FAM117B: variants seen among roughly 807,000 people sequenced by gnomAD.
The protein encoded by FAM117B is protein FAM117B.
Under a neutral mutation model 52.8 loss-of-function variants are expected in FAM117B, and 22 were observed. The observed-to-expected ratio is 0.42, with a 90% CI of 0.30 to 0.59. The LOEUF (loss-of-function observed/expected upper bound fraction) is 0.59. FAM117B is among the 20% of genes least tolerant of loss of function. The pLI, the probability that FAM117B is intolerant of heterozygous loss-of-function variation, is 0.22. For synonymous variants in FAM117B, 309 were observed against 324.1 expected (o/e 0.95, Z 0.50); for missense variants, 678 against 802.6 (o/e 0.84, Z 1.88).
At chr2:202,669,022 A>C (rs902696525) in intron 1 of FAM117B, among the ~76,000 whole-genome samples, 1 of 152,204 alleles carries the variant, frequency 6.6e-6, no homozygotes, top group African/African-American at 2.4e-5. Context: ...CACCAAAATA[A>C]GGAATAATAT....
Position 202,737,663 on chromosome 2 carries a change from G to A in FAM117B, c.960+11300G>A, listed in dbSNP as rs536374339. ...GTAGTCTAGACTGGAGTGCAGTGGC[G>A]TGATCTTGGCTCACAGCAGCCTCTG... On this transcript the variant is annotated intron_variant, in intron 4 of 7. Coordinates refer to ENST00000392238, the MANE Select transcript of FAM117B (RefSeq NM_173511.4). Among the ~76,000 whole-genome samples, 70 of 151,812 alleles carry A rather than the reference G, an allele frequency of 4.6e-4. 1 individual carries two copies. In the South Asian group the frequency reaches 0.014, roughly 31 times the overall value.
intron 2 of FAM117B, among the ~76,000 whole-genome samples, chr2:202,718,082 A>G (rs976365050): frequency 6.6e-6 from 1 of 152,224 alleles, no homozygotes; most frequent in African/African-American, 2.4e-5. Context: ...ACCCACAGGT[A>G]GTACTGCCAG....
At chr2:202,641,858 C>T (rs1027517882) in intron 1 of FAM117B, among the ~76,000 whole-genome samples, 5 of 151,614 alleles carry the variant, frequency 3.3e-5, no homozygotes, top group South Asian at 2.1e-4. Context: ...AGGCTGGTCT[C>T]GAACTCCTGA....
intron 1 of FAM117B, among the ~76,000 whole-genome samples, chr2:202,642,678 T>A (rs1213979277): frequency 6.6e-6 from 1 of 152,200 alleles, no homozygotes; most frequent in Non-Finnish European, 1.5e-5. Context: ...AACTCAGGGA[T>A]ACACTTTGAA....
In FAM117B at chr2:202,673,433, G is replaced by GTTTTTTTTTTTTTTTTTTTTTT. The variant is rs1158185300; in HGVS notation, c.602-22437_602-22416dup. 2.4e-4 allele frequency among the ~76,000 whole-genome samples: 9 copies of GTTTTTTTTTTTTTTTTTTTTTT among 37,534 alleles called. 3 individuals are homozygous for GTTTTTTTTTTTTTTTTTTTTTT. The highest frequency in any genetic ancestry group is 2.1e-3 in the East Asian group (2 of 944). 24.6% of individuals were successfully genotyped at this position (37,534 alleles called of 152,430 possible). Reference sequence around the variant, plus strand: ...TAGCCTACCCTATTTTTCTTTTTCTGTTTTTTTTTTTTTTTTTTTTTTTTT... The same window carrying GTTTTTTTTTTTTTTTTTTTTTT: ...TAGCCTACCCTATTTTTCTTTTTCTGTTTTTTTTTTTTTTTTTTTTTTTTTTTTTTTTTTTTTTTTTTTTTTT... On this transcript the variant is annotated intron_variant, in intron 1 of 7. Transcript: ENST00000392238.
intron 2 of FAM117B, among the ~76,000 whole-genome samples, chr2:202,705,894 G>T (rs1191229444): frequency 6.6e-6 from 1 of 152,168 alleles, no homozygotes; most frequent in Non-Finnish European, 1.5e-5. Context: ...GACTCAGAAG[G>T]TATTTTCTTT....
At chr2:202,740,201 A>AAAAAAAAAAAAC (rs1559113324) in intron 4 of FAM117B, among the ~76,000 whole-genome samples, 1 of 147,508 alleles carries the variant, frequency 6.8e-6, no homozygotes, top group Non-Finnish European at 1.5e-5. Flanking sequence ...AAAAAAAAAA[A>AAAAAAAAAAAAC]ATCCCCAAAT....
intron 4 of FAM117B, among the ~76,000 whole-genome samples, chr2:202,730,161 G>T (rs1210767761): frequency 1.3e-5 from 2 of 152,070 alleles, no homozygotes; most frequent in Non-Finnish European, 2.9e-5. Flanking sequence ...CATCTTTAAG[G>T]TGGGGTTTGT....
intron 3 of FAM117B, chr2:202,725,298 TC>T: frequency 1.3e-5 from 2 of 154,882 alleles, no homozygotes; most frequent in East Asian, 1.4e-4. Flanking sequence ...TCACATTTAT[TC>T]TTTTTTTTTT....
chr2:202,667,253 A>G (rs909665919), intron 1 of FAM117B, among the ~76,000 whole-genome samples: 3 of 151,848 alleles, frequency 2.0e-5, no homozygotes, highest in Non-Finnish European at 4.4e-5. Flanking sequence ...GGCACGTGCC[A>G]CCATACCTGG....
At chr2:202,706,895 A>G (rs934071439) in intron 2 of FAM117B, among the ~76,000 whole-genome samples, 2 of 152,156 alleles carry the variant, frequency 1.3e-5, no homozygotes, top group African/African-American at 2.4e-5. Flanking sequence ...GCCTGTCAGT[A>G]GCTTTGCCTT....
chr2:202,670,827 G>A (rs1027319288), intron 1 of FAM117B, among the ~76,000 whole-genome samples: 6 of 152,180 alleles, frequency 3.9e-5, no homozygotes, highest in African/African-American at 1.4e-4. Flanking sequence ...CACCCTGTTA[G>A]GGACTAGCAT....
chr2:202,658,040 A>G (rs1690078258), intron 1 of FAM117B, among the ~76,000 whole-genome samples: 1 of 152,156 alleles, frequency 6.6e-6, no homozygotes, highest in Admixed American at 6.5e-5. Context: ...CAGTGATTCT[A>G]TATGTTACAT....
chr2:202,732,643 AC>A (rs1277283936), intron 4 of FAM117B, among the ~76,000 whole-genome samples: 1 of 151,980 alleles, frequency 6.6e-6, no homozygotes, highest in African/African-American at 2.4e-5. Flanking sequence ...ACATAGTGAA[AC>A]CCCATCTCTA....
intron 1 of FAM117B, among the ~76,000 whole-genome samples, chr2:202,666,668 C>CTTTTT (rs1157457357): frequency 3.2e-4 from 40 of 125,744 alleles, no homozygotes; most frequent in Non-Finnish European, 4.0e-4. Context: ...CGTTTCATTT[C>CTTTTT]TTTTTTTTTT....
intron 2 of FAM117B, among the ~76,000 whole-genome samples, chr2:202,713,758 G>GT (rs1690993135): frequency 6.6e-6 from 1 of 152,152 alleles, no homozygotes; most frequent in Non-Finnish European, 1.5e-5. Context: ...TCAGGTTGGA[G>GT]TGCAGTGGTG....
At chr2:202,683,891 G>T (rs1225613456) in intron 1 of FAM117B, among the ~76,000 whole-genome samples, 1 of 151,480 alleles carries the variant, frequency 6.6e-6, no homozygotes, top group Admixed American at 6.6e-5. Flanking sequence ...TTTGGAGACA[G>T]GGTCTTGCTC....
intron 2 of FAM117B, among the ~76,000 whole-genome samples, chr2:202,708,329 T>C (rs753608605): frequency 1.3e-5 from 2 of 152,240 alleles, no homozygotes; most frequent in Non-Finnish European, 2.9e-5. Context: ...ATTTGTCTTT[T>C]TGTGGCTGAC....
rs1481429800 is a variant in FAM117B at position 202,765,835 on chromosome 2, C to T, written c.*71C>T. On this transcript the variant is annotated 3_prime_UTR_variant, in exon 8 of 8. Coordinates refer to ENST00000392238, the MANE Select transcript of FAM117B (RefSeq NM_173511.4). The stretch of plus-strand genomic sequence containing the variant: ...TCAGATCACTGGATTCTGATGGCAT[C>T]GTGCGCTTCTGGTCGGCTGTGATGT... The T allele has an allele frequency of 4.1e-6, 6 of 1,474,294 alleles. No homozygotes were observed. Among genetic ancestry groups the T allele is most frequent in the African/African-American group, 2.8e-5 (2 of 71,902 alleles). The allele number at this position is 1,474,294 out of a possible 1,614,324, so 91.3% of individuals were successfully genotyped here.
Sources: gnomAD v4.1 joint callset for allele counts (sites outside exome capture counted in the v4.1 genomes callset) on GRCh38, gnomAD v4.1.1 for gene constraint, MANE v1.5 for transcripts, NCBI Gene and HGNC (gene_info 2026-07-23, HGNC 2026-07-21) for gene names.